The following CCDC57 variants were observed in gnomAD, a reference collection of about 807,000 sequenced individuals.
CCDC57 encodes the protein coiled-coil domain-containing protein 57.
In CCDC57, 118 loss-of-function variants were observed where a neutral mutation model predicts 118.9. That is an observed-to-expected ratio of 0.99 (90% CI 0.86 to 1.16). The LOEUF (loss-of-function observed/expected upper bound fraction) is 1.16, where lower values mean the gene tolerates loss of function less well. Ranked by LOEUF, CCDC57 falls within the 50% of genes most tolerant of loss-of-function variation. The pLI is 0.00. For synonymous variants in CCDC57, 527 were observed against 532.9 expected (o/e 0.99, Z 0.15); for missense variants, 1,300 against 1,320.7 (o/e 0.98, Z 0.24).
At chr17:82,201,447 T>C (rs1003747841) in intron 3 of CCDC57, 91 bp downstream of exon 2, 28 of 1,397,730 alleles carry the variant, frequency 2.0e-5, no homozygotes, top group Non-Finnish European at 2.6e-5. Context: ...GCAGTGAGAG[T>C]GGGCAGTGCT....
intron 16 of CCDC57, among the ~76,000 whole-genome samples, chr17:82,136,132 G>A (rs1017839130): frequency 6.6e-6 from 1 of 152,108 alleles, no homozygotes; most frequent in Non-Finnish European, 1.5e-5. Flanking sequence ...AGGCATCCAA[G>A]AGAACTGAAT....
Position 82,127,683 on chromosome 17 carries a change from GT to G in CCDC57, c.2899+8del, listed in dbSNP as rs2037677417. ...CTGTGGGCAGCTCCTGGGGAGGGCAGTCTCCTACCTGGAGTTGAGTCACCCT... is the reference window on the plus strand; with the variant it reads ...CTGTGGGCAGCTCCTGGGGAGGGCAGCTCCTACCTGGAGTTGAGTCACCCT... On this transcript the variant is annotated splice_region_variant and intron_variant, in intron 19 of 19. Transcript: ENST00000665763. 6.3e-7 allele frequency: 1 copy of G among 1,590,864 alleles called. No homozygotes were observed. Among genetic ancestry groups the G allele is most frequent in the African/African-American group, 1.3e-5 (1 of 74,384 alleles).
At chr17:82,199,490 A>AAAAAAAAAAAAAAAAAC (rs2048737364) in intron 3 of CCDC57, among the ~76,000 whole-genome samples, 1 of 151,342 alleles carries the variant, frequency 6.6e-6, no homozygotes. Context: ...AAAAAAAAAA[A>AAAAAAAAAAAAAAAAAC]GAGTGTGAGA....
At chr17:82,119,415 C>T (rs2036366829) in intron 19 of CCDC57, among the ~76,000 whole-genome samples, 1 of 152,010 alleles carries the variant, frequency 6.6e-6, no homozygotes, top group Admixed American at 6.5e-5. Context: ...AAGGATCATG[C>T]CCCTGCACCT....
intron 7 of CCDC57, among the ~76,000 whole-genome samples, chr17:82,190,384 G>A (rs1421610998): frequency 1.3e-5 from 2 of 152,216 alleles, no homozygotes; most frequent in East Asian, 3.9e-4. Context: ...CAGGTCTGCA[G>A]CTGCTGGCCA....
intron 19 of CCDC57, among the ~76,000 whole-genome samples, chr17:82,121,726 C>T (rs965697884): frequency 6.6e-6 from 1 of 152,202 alleles, no homozygotes; most frequent in Non-Finnish European, 1.5e-5. Context: ...GTCAGCGCGT[C>T]CTGCCATGGG....
Position 82,202,099 on chromosome 17 carries a change from G to C in CCDC57, c.-8-147C>G. ...TAATCCCAGCCCTTTGGGAGGCCGA[G>C]GCAGGCGGATCACCTGAGGTCAGGA... is the stretch of plus-strand genomic sequence containing the variant. On this transcript the variant is annotated intron_variant, in intron 2 of 19. Coordinates refer to ENST00000665763, the Ensembl canonical transcript of CCDC57. 6.3e-6 allele frequency: 5 copies of C among 795,628 alleles called. No individual in the cohort carries two copies. In the Middle Eastern group the frequency reaches 1.2e-3, roughly 191 times the overall value. 49.3% of individuals were successfully genotyped at this position (795,628 alleles called of 1,614,324 possible).
chr17:82,188,508 C>T (rs868338459), intron 7 of CCDC57, 89 bp from the exon 7 acceptor site: 34 of 1,302,476 alleles, frequency 2.6e-5, no homozygotes, highest in Middle Eastern at 3.8e-4. Context: ...TGCCCTGTCT[C>T]GTGCACAGGT....
intron 16 of CCDC57, among the ~76,000 whole-genome samples, chr17:82,142,464 C>T (rs1353848855): frequency 6.6e-6 from 1 of 152,142 alleles, no homozygotes; most frequent in East Asian, 1.9e-4. Context: ...AGGCGCGCAA[C>T]ACCAAGCCCG....
At chr17:82,153,228 G>T (rs1333079012) in intron 15 of CCDC57, among the ~76,000 whole-genome samples, 1 of 152,232 alleles carries the variant, frequency 6.6e-6, no homozygotes, top group East Asian at 1.9e-4. Context: ...GATGGCCTGG[G>T]GCTGGGGGAG....
At chr17:82,175,843 G>A (rs912463706) in intron 11 of CCDC57, among the ~76,000 whole-genome samples, 2 of 152,158 alleles carry the variant, frequency 1.3e-5, no homozygotes, top group Non-Finnish European at 2.9e-5. Context: ...ATTCTGAGTG[G>A]AGATGCCTCT....
In CCDC57 at chr17:82,184,037, A is replaced by ATG. The variant is rs1568401727; in HGVS notation, c.1053-106_1053-105insCA. On this transcript the variant is annotated intron_variant, in intron 8 of 19. Transcript: ENST00000665763. The stretch of plus-strand genomic sequence containing the variant: ...CACATGCGCGCGCGCGCGCGCACAC[A>ATG]CACACACACACACACACACACACAC... The ATG allele has an allele frequency of 1.3e-5, 4 of 318,596 alleles. No homozygotes were observed. In the East Asian group the frequency reaches 1.4e-4, roughly 11 times the overall value. The allele number at this position is 318,596 out of a possible 1,614,324, so 19.7% of individuals were successfully genotyped here.
At chr17:82,156,016 C>T (rs1169252461) in intron 15 of CCDC57, 1 of 152,156 alleles carries the variant, frequency 6.6e-6, no homozygotes, top group Non-Finnish European at 1.5e-5. Flanking sequence ...CACAGTGGGC[C>T]ACTGTGCCTA....
At chr17:82,150,767 G>A (rs1300669106) in intron 16 of CCDC57, among the ~76,000 whole-genome samples, 19 of 76,956 alleles carry the variant, frequency 2.5e-4, no homozygotes, top group Middle Eastern at 0.011. Context: ...AGAACCAGGC[G>A]CACACTCAGA....
chr17:82,211,144 C>T (rs1187653189), intron 1 of CCDC57, among the ~76,000 whole-genome samples: 2 of 152,110 alleles, frequency 1.3e-5, no homozygotes, highest in Non-Finnish European at 2.9e-5. Context: ...CAGACACCAC[C>T]TCAGCCCCCA....
chr17:82,143,539 G>A (rs541283566), intron 16 of CCDC57, among the ~76,000 whole-genome samples: 16 of 151,898 alleles, frequency 1.1e-4, no homozygotes, highest in South Asian at 2.1e-4. Context: ...CACCCCACAC[G>A]CACACACACG....
At chr17:82,123,293 C>CTTT (rs35898082) in intron 19 of CCDC57, among the ~76,000 whole-genome samples, 1 of 111,072 alleles carries the variant, frequency 9.0e-6, no homozygotes, top group African/African-American at 3.4e-5. Flanking sequence ...GTGCCCGGCC[C>CTTT]TTTTTTTTTT....
chr17:82,127,411 C>T (rs997455174), intron 19 of CCDC57: 17 of 984,380 alleles, frequency 1.7e-5, no homozygotes, highest in Non-Finnish European at 1.9e-5. Context: ...AGCCTGCGCC[C>T]GGGTGTACGG....
intron 16 of CCDC57, among the ~76,000 whole-genome samples, chr17:82,134,719 G>A (rs62078308): frequency 0.17 from 26,106 of 151,970 alleles, 2,592 homozygotes; most frequent in Non-Finnish European, 0.23. Context: ...GCTTGAACCC[G>A]GGAGGCAGAG....
Sources: allele counts gnomAD v4.1 joint callset (sites outside exome capture counted in the v4.1 genomes callset), GRCh38; gene constraint gnomAD v4.1.1; transcripts MANE v1.5; gene names NCBI Gene and HGNC (gene_info 2026-07-23, HGNC 2026-07-21).